Variants in GAREM1 observed in about 807,000 individuals in gnomAD.
GAREM1 encodes the protein GRB2-associated and regulator of MAPK protein 1.
GAREM1 carries 26 observed loss-of-function variants against 71.3 expected under a neutral mutation model. That is an observed-to-expected ratio of 0.36 (90% CI 0.27 to 0.51). The LOEUF is 0.51. Ranked by LOEUF, GAREM1 falls within the 20% of genes least tolerant of loss-of-function variation. The pLI is 0.95. For missense variants in GAREM1, 1,026 were observed against 1,103.1 expected, an observed-to-expected ratio of 0.93 and a Z score of 0.99; for synonymous variants, 440 against 433.2, an observed-to-expected ratio of 1.02 and a Z score of -0.20.
chr18:32,451,628 G>A (rs2048841433), intron 1 of GAREM1, among the ~76,000 whole-genome samples: 1 of 152,068 alleles, frequency 6.6e-6, no homozygotes, highest in South Asian at 2.1e-4. Context: ...TTTGCCTAGA[G>A]GCCCTCTTTC....
Position 32,287,747 on chromosome 18 carries a change from AAACC to A in GAREM1, c.846_849del (p.Val283AlafsTer18). Reference sequence around the variant, plus strand: ...ATCTTGTTGTTCCGCAGCACACAGCAAACCACCACCGTCTTGGTCTGGATGTTCA... The same window carrying A: ...ATCTTGTTGTTCCGCAGCACACAGCAACCACCGTCTTGGTCTGGATGTTCA... On this transcript the variant is annotated frameshift_variant, in exon 4 of 6. Coordinates refer to ENST00000269209, the MANE Select transcript of GAREM1 (RefSeq NM_001242409.2). LOFTEE classifies it high-confidence loss of function. This position sits in a 1 kb window ranked among gnomAD's most constrained non-coding sequence, Gnocchi z 5.9. 1 of 1,613,628 alleles carries A rather than the reference AAACC, an allele frequency of 6.2e-7. No individual in the cohort carries two copies. The highest frequency in any genetic ancestry group is 8.5e-7 in the Non-Finnish European group (1 of 1,179,970).
At chr18:32,376,113 A>C (rs1004606022) in intron 2 of GAREM1, among the ~76,000 whole-genome samples, 82 of 152,362 alleles carry the variant, frequency 5.4e-4, no homozygotes, top group African/African-American at 1.9e-3. Flanking sequence ...CCTATTGATA[A>C]AATCCTCCAT....
chr18:32,302,087 T>A (rs935650298), intron 3 of GAREM1, among the ~76,000 whole-genome samples: 24 of 152,176 alleles, frequency 1.6e-4, no homozygotes, highest in African/African-American at 5.8e-4. Flanking sequence ...AAAGTGAAAG[T>A]ACATTCTGAT....
At chr18:32,270,532 T>C in intron 4 of GAREM1, 149 bp from the exon 5 acceptor site, 1 of 620,524 alleles carries the variant, frequency 1.6e-6, no homozygotes, top group Non-Finnish European at 2.7e-6. Context: ...TAAACAAGAA[T>C]GATAGGAAGC....
intron 3 of GAREM1, among the ~76,000 whole-genome samples, chr18:32,303,212 A>C (rs1259317618): frequency 6.6e-6 from 1 of 152,216 alleles, no homozygotes; most frequent in African/African-American, 2.4e-5. Context: ...TAGTAACATT[A>C]TAGCATCCAG....
chr18:32,422,549 A>T (rs749190444), intron 1 of GAREM1, among the ~76,000 whole-genome samples: 1 of 152,198 alleles, frequency 6.6e-6, no homozygotes, highest in Non-Finnish European at 1.5e-5. Context: ...TTCCTGTGTA[A>T]CTGGCATTAT....
intron 1 of GAREM1, among the ~76,000 whole-genome samples, chr18:32,462,790 T>C (rs9950386): frequency 0.36 from 54,397 of 152,028 alleles, 10,098 homozygotes; most frequent in African/African-American, 0.43. Flanking sequence ...GATTTTTATA[T>C]ATGGCATTAG....
chr18:32,294,678 T>C (rs182536470), intron 3 of GAREM1, among the ~76,000 whole-genome samples: 11 of 152,326 alleles, frequency 7.2e-5, no homozygotes, highest in East Asian at 5.8e-4. Flanking sequence ...TGTTGAGTCA[T>C]AGTTGTTGAA....
chr18:32,310,066 T>C (rs1222737658), intron 3 of GAREM1, 127 bp downstream of exon 3: 1 of 958,540 alleles, frequency 1.0e-6, no homozygotes, highest in Non-Finnish European at 1.5e-6. Context: ...TTTTGGCTAC[T>C]GCCACTAACT....
chr18:32,404,297 T>C (rs1030918539), intron 1 of GAREM1, among the ~76,000 whole-genome samples: 1 of 152,196 alleles, frequency 6.6e-6, no homozygotes, highest in African/African-American at 2.4e-5. Context: ...GAAGATGAAA[T>C]ACATTTGGAT....
chr18:32,409,650 A>G, intron 1 of GAREM1, among the ~76,000 whole-genome samples: 1 of 152,212 alleles, frequency 6.6e-6, no homozygotes, highest in Non-Finnish European at 1.5e-5. Context: ...GAACAGTAGA[A>G]TGACCAGGAA....
chr18:32,418,306 T>C (rs2048484009), intron 1 of GAREM1, among the ~76,000 whole-genome samples: 1 of 152,126 alleles, frequency 6.6e-6, no homozygotes, highest in Non-Finnish European at 1.5e-5. Flanking sequence ...GTCTCAGATG[T>C]CCATGGTGTC....
chr18:32,272,330 C>T (rs1037232425), intron 4 of GAREM1, among the ~76,000 whole-genome samples: 9 of 152,230 alleles, frequency 5.9e-5, no homozygotes, highest in Non-Finnish European at 1.3e-4. Flanking sequence ...AACTGCATTT[C>T]TTCCCGGGGC....
intron 3 of GAREM1, among the ~76,000 whole-genome samples, chr18:32,295,040 G>A (rs1156908197): frequency 6.6e-6 from 1 of 151,816 alleles, no homozygotes; most frequent in African/African-American, 2.4e-5. Flanking sequence ...AATTAAGATG[G>A]TCATATGTTT....
At chr18:32,316,635 G>A (rs1331593800) in intron 2 of GAREM1, among the ~76,000 whole-genome samples, 3 of 151,994 alleles carry the variant, frequency 2.0e-5, no homozygotes, top group Non-Finnish European at 4.4e-5. Flanking sequence ...TTGTAGAGAT[G>A]AGGTTTTGCC....
At chr18:32,407,493 T>G (rs192060913) in intron 1 of GAREM1, among the ~76,000 whole-genome samples, 1 of 152,272 alleles carries the variant, frequency 6.6e-6, no homozygotes, top group East Asian at 1.9e-4. Flanking sequence ...TGTATACAAA[T>G]TCATGTCATC....
intron 1 of GAREM1, among the ~76,000 whole-genome samples, chr18:32,435,463 A>G (rs1299270986): frequency 1.3e-5 from 2 of 152,190 alleles, no homozygotes; most frequent in Admixed American, 1.3e-4. Flanking sequence ...TGAAAAAACA[A>G]AAGTTTTAAT....
intron 2 of GAREM1, among the ~76,000 whole-genome samples, chr18:32,365,040 T>G (rs145217889): frequency 1.2e-4 from 18 of 152,300 alleles, no homozygotes; most frequent in African/African-American, 3.6e-4. Flanking sequence ...CACCCAAGAT[T>G]GTACAAAACC....
At chr18:32,305,167 T>C (rs1478699079) in intron 3 of GAREM1, among the ~76,000 whole-genome samples, 1 of 152,178 alleles carries the variant, frequency 6.6e-6, no homozygotes. Flanking sequence ...AGGTGACTGC[T>C]ATTCCCAAAA....
Sources: allele counts gnomAD v4.1 joint callset (sites outside exome capture counted in the v4.1 genomes callset), GRCh38; gene constraint gnomAD v4.1.1; non-coding constraint Gnocchi (gnomAD v3.1); transcripts MANE v1.5; gene names NCBI Gene and HGNC (gene_info 2026-07-23, HGNC 2026-07-21).